TYMS: variants seen among roughly 807,000 people sequenced by gnomAD.
TYMS encodes the protein thymidylate synthetase.
TYMS carries 21 observed loss-of-function variants against 39.3 expected under a neutral mutation model. The observed-to-expected ratio is 0.54, with a 90% CI of 0.38 to 0.77. The LOEUF (loss-of-function observed/expected upper bound fraction) is 0.77, where lower values mean the gene tolerates loss of function less well. Ranked by LOEUF, TYMS falls within the 30% of genes least tolerant of loss-of-function variation. The probability of loss-of-function intolerance (pLI) is 0.00; values close to 1 mark genes in which losing one functional copy is unlikely to be tolerated. For synonymous variants in TYMS, 171 were observed against 162.2 expected (o/e 1.05, Z -0.41); for missense variants, 273 against 406.7 (o/e 0.67, Z 2.83).
rs2074762876 is a variant in TYMS at position 662,159 on chromosome 18, C to G, written c.293C>G (p.Ala98Gly). The change falls in exon 3 of 7, where the codon GCT becomes GGT. Residue 98 changes from alanine (A) to glycine (G), a missense_variant. Transcript: ENST00000323274. Reference sequence around the variant, plus strand: ...CATCTCTTCCAGGGATCCACAAATGCTAAAGAGCTGTCTTCCAAGGGAGTG... The same window carrying G: ...CATCTCTTCCAGGGATCCACAAATGGTAAAGAGCTGTCTTCCAAGGGAGTG... Reference protein sequence around the residue: ...LLWFIKGSTNAKELSSKGVKI... With the variant: ...LLWFIKGSTNGKELSSKGVKI... 1 of 1,610,512 alleles carries G rather than the reference C, an allele frequency of 6.2e-7. No individual in the cohort carries two copies. The highest frequency in any genetic ancestry group is 8.5e-7 in the Non-Finnish European group (1 of 1,178,578).
intron 3 of TYMS, among the ~76,000 whole-genome samples, chr18:666,353 G>A (rs1025082618): frequency 1.3e-5 from 2 of 152,008 alleles, no homozygotes; most frequent in African/African-American, 4.8e-5. Context: ...TGTAGGTGGC[G>A]CTGCTGTGAA....
Position 666,993 on chromosome 18 carries a change from T to C in TYMS, c.455-2079T>C, listed in dbSNP as rs1168613304. 9.0e-3 allele frequency among the ~76,000 whole-genome samples: 53 copies of C among 5,894 alleles called. 5 individuals carry two copies. The highest frequency in any genetic ancestry group is 0.032 in the African/African-American group (50 of 1,586). 3.9% of individuals were successfully genotyped at this position (5,894 alleles called of 152,430 possible). On this transcript the variant is annotated intron_variant, in intron 3 of 6. Transcript: ENST00000323274. ...GTGATGGAGATGGAGATGGTGATGG[T>C]GATGGAGATGGTGATGGTGATGGAG...
In TYMS at chr18:662,206, T is replaced by C; in HGVS notation, c.340T>C (p.Ser114Pro). Residue 114 changes from serine (S) to proline (P), a missense_variant, in exon 3 of 7, where the codon TCC (serine) becomes CCC (proline). Around this residue, in one of 3 missense-constraint regions of TYMS, gnomAD observed 228 missense variants for 326.1 expected, o/e 0.70. Coordinates refer to ENST00000323274, the MANE Select transcript of TYMS (RefSeq NM_001071.4). ...KGVKIWDANGSRDFLDSLGFS... is the reference protein window; with the variant it reads ...KGVKIWDANGPRDFLDSLGFS... ...AGTGAAAATCTGGGATGCCAATGGATCCCGAGACTTTTTGGACAGCCTGGG... is the reference window on the plus strand; with the variant it reads ...AGTGAAAATCTGGGATGCCAATGGACCCCGAGACTTTTTGGACAGCCTGGG... 6.2e-7 allele frequency: 1 copy of C among 1,613,820 alleles called. No individual in the cohort carries two copies.
At chr18:666,856 CAG>C (rs1366180807) in intron 3 of TYMS, among the ~76,000 whole-genome samples, 1 of 151,870 alleles carries the variant, frequency 6.6e-6, no homozygotes, top group Non-Finnish European at 1.5e-5. Context: ...TTAATGGGCA[CAG>C]AGGTTTTGTT....
At chr18:668,876 C>G (rs1480884962) in intron 3 of TYMS, among the ~76,000 whole-genome samples, 196 bp from the exon 4 acceptor site, 1 of 152,050 alleles carries the variant, frequency 6.6e-6, no homozygotes, top group Non-Finnish European at 1.5e-5. Context: ...CTCCAGAGGA[C>G]AGAGCCAGGA....
chr18:671,661 T>C, intron 6 of TYMS: 1 of 588,578 alleles, frequency 1.7e-6, no homozygotes, highest in East Asian at 3.0e-5. Context: ...TCAGGTGCTG[T>C]GAGGTACTAA....
chr18:671,650 G>T, intron 6 of TYMS, 199 bp downstream of exon 6: 1 of 598,622 alleles, frequency 1.7e-6, no homozygotes, highest in Non-Finnish European at 2.9e-6. Context: ...CACTTAACAT[G>T]TCAGGTGCTG....
intron 4 of TYMS, among the ~76,000 whole-genome samples, chr18:670,056 T>A (rs1350130252): frequency 1.3e-5 from 2 of 150,416 alleles, no homozygotes; most frequent in Non-Finnish European, 3.0e-5. Context: ...TTTTTTTTTT[T>A]TTTTTGAGAC....
intron 4 of TYMS, 162 bp downstream of exon 4, chr18:669,335 C>A: frequency 1.9e-6 from 1 of 537,952 alleles, no homozygotes; most frequent in Non-Finnish European, 3.3e-6. Context: ...GCTGCACTTT[C>A]ACCTTCAGAT....
At chr18:661,257 A>G (rs1246655116) in intron 2 of TYMS, among the ~76,000 whole-genome samples, 1 of 152,212 alleles carries the variant, frequency 6.6e-6, no homozygotes, top group Non-Finnish European at 1.5e-5. Flanking sequence ...CTCAGAAATA[A>G]AATGCATTCC....
chr18:671,752 A>C, intron 6 of TYMS: 1 of 378,522 alleles, frequency 2.6e-6, no homozygotes, highest in Non-Finnish European at 4.7e-6. Context: ...TTTTAACTTG[A>C]AGGAGAATTG....
chr18:668,921 C>G, intron 3 of TYMS, 151 bp from the exon 4 acceptor site: 2 of 592,722 alleles, frequency 3.4e-6, no homozygotes, highest in Non-Finnish European at 5.8e-6. Context: ...CCACCGAGAT[C>G]TGCAAACTTT....
Position 673,425 on chromosome 18 carries a change from TAG to T in TYMS, c.*431_*432del. On this transcript the variant is annotated 3_prime_UTR_variant, in exon 7 of 7. Transcript: ENST00000323274. ...CTGAGTAACACCATCGATCATGATGTAGAGTGTGGTTATGAACTTTAAAGTTA... is the reference window on the plus strand; with the variant it reads ...CTGAGTAACACCATCGATCATGATGTAGTGTGGTTATGAACTTTAAAGTTA... The T allele has an allele frequency of 4.6e-6, 1 of 215,128 alleles. No homozygotes were observed. The allele number at this position is 215,128 out of a possible 1,614,324, so 13.3% of individuals were successfully genotyped here. A position where few individuals can be genotyped will look rare whatever the true frequency, so the allele number is the denominator to read the frequency against.
At position 658,210 on chromosome 18, in the gene TYMS, C is replaced by T. The variant is rs1223392466; in HGVS notation, c.205+263C>T. The T allele has an allele frequency of 5.9e-6, 9 of 1,524,370 alleles. No individual in the cohort carries two copies. The highest frequency in any genetic ancestry group is 5.5e-5 in the African/African-American group (4 of 72,542). 94.4% of individuals were successfully genotyped at this position (1,524,370 alleles called of 1,614,324 possible). On this transcript the variant is annotated intron_variant, in intron 1 of 6. Coordinates refer to ENST00000323274, the MANE Select transcript of TYMS (RefSeq NM_001071.4). The surrounding 1 kb of genome is among the most constrained non-coding windows in gnomAD (Gnocchi z 4.5). ...GCGGCTCCGCGGCCGGGCTCGCAGT[C>T]GCCCCAGTGATGCCGTGGCCCCCGA... is the stretch of plus-strand genomic sequence containing the variant.
rs2074878020 is a variant in TYMS at position 667,543 on chromosome 18, ATGGT to A, written c.455-1528_455-1525del. Among the ~76,000 whole-genome samples the A allele has an allele frequency of 2.3e-5, 2 of 87,296 alleles. 1 individual carries two copies. Among genetic ancestry groups the A allele is most frequent in the Non-Finnish European group, 4.2e-5 (2 of 48,026 alleles). The allele number at this position is 87,296 out of a possible 152,430, so 57.3% of individuals were successfully genotyped here. A position where few individuals can be genotyped will look rare whatever the true frequency, so the allele number is the denominator to read the frequency against. On this transcript the variant is annotated intron_variant, in intron 3 of 6. Transcript: ENST00000323274. The stretch of plus-strand genomic sequence containing the variant: ...GATGGTGATGGAGATGGTGATGGTG[ATGGT>A]GATGGAGATGGTGATGGTGATGGAG...
Position 662,177 on chromosome 18 carries a change from A to G in TYMS, c.311A>G (p.Lys104Arg). 6.2e-7 allele frequency: 1 copy of G among 1,613,370 alleles called. No homozygotes were observed. The highest frequency in any genetic ancestry group is 8.5e-7 in the Non-Finnish European group (1 of 1,179,710). Residue 104 changes from lysine to arginine, a missense_variant, in exon 3 of 7, where the codon AAG (lysine) becomes AGG (arginine). Lys to Arg is a conservative substitution (Grantham distance 26). Transcript: ENST00000323274. Reference sequence around the variant, plus strand: ...ACAAATGCTAAAGAGCTGTCTTCCAAGGGAGTGAAAATCTGGGATGCCAAT... The same window carrying G: ...ACAAATGCTAAAGAGCTGTCTTCCAGGGGAGTGAAAATCTGGGATGCCAAT... ...GSTNAKELSS[K>R]GVKIWDANGS...
chr18:670,919 A>G lies in TYMS; in HGVS notation c.732+52A>G, dbSNP rs750489412. 6.9e-6 allele frequency: 11 copies of G among 1,585,158 alleles called. No individual in the cohort carries two copies. In the South Asian group the frequency reaches 9.1e-5, roughly 13 times the overall value. On this transcript the variant is annotated intron_variant, in intron 5 of 6. Transcript: ENST00000323274. ...GCCAGCCTACCACACTGAGCTCTTC[A>G]GTTCTTTAATATGGGAAAACAAATT...
At chr18:662,088 A>C in intron 2 of TYMS, 58 bp from the exon 3 acceptor site, 2 of 1,527,542 alleles carry the variant, frequency 1.3e-6, no homozygotes. Context: ...CGGGGGGATC[A>C]ACTGAGATGG....
intron 3 of TYMS, among the ~76,000 whole-genome samples, chr18:666,974 GAGA>G (rs1567989674): frequency 0.022 from 191 of 8,568 alleles, 7 homozygotes; most frequent in Non-Finnish European, 0.035. Context: ...GATGGTGATG[GAGA>G]TGGAGATGGT....
Sources: gnomAD v4.1 joint callset for allele counts (sites outside exome capture counted in the v4.1 genomes callset) on GRCh38, gnomAD v4.1.1 for gene constraint, gnomAD v4.1.1 regional missense constraint, Gnocchi (gnomAD v3.1) non-coding constraint, MANE v1.5 for transcripts, NCBI Gene and HGNC (gene_info 2026-07-23, HGNC 2026-07-21) for gene names.